Variants in KLK4 observed in about 807,000 individuals in gnomAD.
KLK4 encodes the protein kallikrein related peptidase 4.
A neutral mutation model predicts 24.3 loss-of-function variants in KLK4; 24 were observed. The ratio of observed to expected loss-of-function variants is 0.99; its 90% CI spans 0.72 to 1.39. The LOEUF is 1.39. Among genes scored for constraint, KLK4 ranks in the 40% most tolerant of loss-of-function variants. KLK4 has a pLI of 0.00. For synonymous variants in KLK4, 142 were observed against 138.8 expected, an observed-to-expected ratio of 1.02 and a Z score of -0.16; for missense variants, 344 against 327.4, an observed-to-expected ratio of 1.05 and a Z score of -0.39.
Position 50,910,093 on chromosome 19 carries a change from G to A in KLK4, c.61+585C>T, listed in dbSNP as rs974229542. On this transcript the variant is annotated intron_variant, in intron 2 of 5. Transcript: ENST00000324041. The surrounding 1 kb of genome is among the most constrained non-coding windows in gnomAD (Gnocchi z 4.4). ...TAGCAGTAGGATCGGGTCCTTCGGG[G>A]TGAATTAAAGCTCAGGGGGTGGAGT... Among the ~76,000 whole-genome samples, 1 of 151,996 alleles carries A rather than the reference G, an allele frequency of 6.6e-6. No homozygotes were observed. The highest frequency in any genetic ancestry group is 1.5e-5 in the Non-Finnish European group (1 of 67,970).
chr19:50,911,060 T>C (rs1177769890), intron 1 of KLK4, among the ~76,000 whole-genome samples: 1 of 151,924 alleles, frequency 6.6e-6, no homozygotes, highest in African/African-American at 2.4e-5. Context: ...CAAACAAGCA[T>C]GGAGGGAAGA....
exon 4 of KLK4, chr19:50,908,624 C>T (rs530069905): frequency 1.1e-5 from 18 of 1,614,084 alleles, no homozygotes; most frequent in Middle Eastern, 1.6e-4. Flanking sequence ...GAGTTCCCCG[C>T]GGTAGGGCAC....
rs1313722254 is a variant in KLK4, at chr19:50,910,952, T to C, written c.-11-203A>G. Among the ~76,000 whole-genome samples the C allele has an allele frequency of 1.4e-5, 1 of 72,246 alleles. No individual in the cohort carries two copies. Among genetic ancestry groups the C allele is most frequent in the East Asian group, 2.1e-4 (1 of 4,692 alleles). 47.4% of individuals were successfully genotyped at this position (72,246 alleles called of 152,430 possible). A position where few individuals can be genotyped will look rare whatever the true frequency, so the allele number is the denominator to read the frequency against. ...TGAGAGAGAAAAAGAGAGAGAGAGATGGGAAAAGAGAGAGAGAGAGAGAAC... is the reference window on the plus strand; with the variant it reads ...TGAGAGAGAAAAAGAGAGAGAGAGACGGGAAAAGAGAGAGAGAGAGAGAAC... On this transcript the variant is annotated intron_variant, in intron 1 of 5. Transcript: ENST00000324041. The surrounding 1 kb of genome is among the most constrained non-coding windows in gnomAD (Gnocchi z 4.4).
intron 3 of KLK4, 83 bp downstream of exon 3, chr19:50,909,169 C>T (rs2090463190): frequency 1.2e-6 from 2 of 1,609,514 alleles, no homozygotes; most frequent in Non-Finnish European, 1.7e-6. Context: ...CGCTGTTTCC[C>T]CCTGAGCACC....
chr19:50,909,243 T>A lies in KLK4; in HGVS notation c.224+9A>T, dbSNP rs1166582157. ...AGGCCCTGCCCACTCCCCCTACCTC[T>A]GCACTCACTTCTGGAAACAGTGTGC... is the stretch of plus-strand genomic sequence containing the variant. On this transcript the variant is annotated intron_variant, in intron 3 of 5. Coordinates refer to ENST00000324041, the Ensembl canonical transcript of KLK4. 2 of 1,614,084 alleles carry A rather than the reference T, an allele frequency of 1.2e-6. No homozygotes were observed. Among genetic ancestry groups the A allele is most frequent in the Non-Finnish European group, 1.7e-6 (2 of 1,179,996 alleles).
chr19:50,906,444 G>A, exon 6 of KLK4: 1 of 194,960 alleles, frequency 5.1e-6, no homozygotes, highest in Non-Finnish European at 1.1e-5. Flanking sequence ...CCACAAGGGG[G>A]CACTGTGTAC....
chr19:50,907,071 G>GC lies in KLK4; in HGVS notation c.627dup (p.Pro210AlafsTer36), dbSNP rs1410607661. ...TGCAAGTACCCGTTGCAGATCAGGG[G>GC]CCCCCCAGAGTCACCCTGTTGTGAA... On this transcript the variant is annotated frameshift_variant, in exon 6 of 6. Transcript: ENST00000324041. LOFTEE classifies it low-confidence loss of function (END_TRUNC). 6.2e-7 allele frequency: 1 copy of GC among 1,613,954 alleles called. No homozygotes were observed. Among genetic ancestry groups the GC allele is most frequent in the African/African-American group, 1.3e-5 (1 of 74,902 alleles).
Position 50,910,712 on chromosome 19 carries a change from G to A in KLK4, c.27C>T (p.Gly9=). 6.4e-7 allele frequency: 1 copy of A among 1,555,396 alleles called. No individual in the cohort carries two copies. The highest frequency in any genetic ancestry group is 1.4e-5 in the African/African-American group (1 of 73,454). ...CAAGGATGAGGTACCCCAGGAACCAGCCCCAGGGATTTCCTGCTGTGGCCA... is the reference window on the plus strand; with the variant it reads ...CAAGGATGAGGTACCCCAGGAACCAACCCCAGGGATTTCCTGCTGTGGCCA... The change falls in exon 2 of 6, where the codon GGC becomes GGT. Residue 9 remains glycine, a synonymous_variant. Coordinates refer to ENST00000324041, the Ensembl canonical transcript of KLK4. This position sits in a 1 kb window ranked among gnomAD's most constrained non-coding sequence, Gnocchi z 4.4.
intron 3 of KLK4, 161 bp downstream of exon 3, chr19:50,909,091 C>A: frequency 7.1e-7 from 1 of 1,414,512 alleles, no homozygotes; most frequent in South Asian, 1.4e-5. Context: ...AAGATTCCCG[C>A]CTCCCAGCCC....
chr19:50,908,583 C>T, exon 4 of KLK4: 2 of 1,614,192 alleles, frequency 1.2e-6, no homozygotes, highest in Non-Finnish European at 1.7e-6. Context: ...GCTCACCGTT[C>T]GCCAGCAGAC....
At chr19:50,909,970 C>G (rs948077883) in intron 2 of KLK4, among the ~76,000 whole-genome samples, 7 of 151,982 alleles carry the variant, frequency 4.6e-5, no homozygotes, top group African/African-American at 1.7e-4. Context: ...GCTTCTGGGG[C>G]GGAGTCAGGG....
Position 50,911,367 on chromosome 19 carries a change from C to T in KLK4, c.-40G>A, listed in dbSNP as rs2090486643. On this transcript the variant is annotated 5_prime_UTR_variant, in exon 1 of 6. It adds an upstream start codon to the 5' untranslated region. Coordinates refer to ENST00000324041, the Ensembl canonical transcript of KLK4. ...GCCACCTCTGGGCTCCTGGATTCCA[C>T]TGCTGGGCTGAGCTCCAGCCTGCTG... Among the ~76,000 whole-genome samples the T allele has an allele frequency of 6.6e-6, 1 of 152,260 alleles. No homozygotes were observed. The highest frequency in any genetic ancestry group is 2.4e-5 in the African/African-American group (1 of 41,470).
At chr19:50,911,095 G>C (rs1317857548) in intron 1 of KLK4, among the ~76,000 whole-genome samples, 1 of 152,198 alleles carries the variant, frequency 6.6e-6, no homozygotes, top group Non-Finnish European at 1.5e-5. Flanking sequence ...GAGCCGGAGA[G>C]ACAGAGTGCT....
At chr19:50,909,089 C>A in intron 3 of KLK4, 163 bp downstream of exon 3, 1 of 1,433,524 alleles carries the variant, frequency 7.0e-7, no homozygotes, top group East Asian at 2.6e-5. Context: ...GCAAGATTCC[C>A]GCCTCCCAGC....
intron 2 of KLK4, 23 bp from the exon 3 acceptor site, chr19:50,909,437 G>A (rs2123516111): frequency 6.2e-7 from 1 of 1,613,530 alleles, no homozygotes; most frequent in East Asian, 2.2e-5. Flanking sequence ...TCAGGGATGG[G>A]ATCGGGACCA....
Position 50,910,186 on chromosome 19 carries a change from C to T in KLK4, c.61+492G>A, listed in dbSNP as rs1600049433. Among the ~76,000 whole-genome samples the T allele has an allele frequency of 6.6e-6, 1 of 151,940 alleles. No homozygotes were observed. Among genetic ancestry groups the T allele is most frequent in the East Asian group, 1.9e-4 (1 of 5,186 alleles). On this transcript the variant is annotated intron_variant, in intron 2 of 5. Coordinates refer to ENST00000324041, the Ensembl canonical transcript of KLK4. The surrounding 1 kb of genome is among the most constrained non-coding windows in gnomAD (Gnocchi z 4.4). ...GATGCTCAAAGAGTCGGTCCTGCGC[C>T]GAGTCACTCCTATCCTCTCCCAGCC...
exon 6 of KLK4, chr19:50,906,742 A>T (rs926114522): frequency 2.9e-6 from 1 of 344,526 alleles, no homozygotes; most frequent in East Asian, 4.5e-5. Context: ...CTGAGGGAGG[A>T]GGGGCTGGGG....
exon 6 of KLK4, chr19:50,907,077 C>G: frequency 6.2e-7 from 1 of 1,614,108 alleles, no homozygotes; most frequent in Non-Finnish European, 8.5e-7. Flanking sequence ...AGGGGCCCCC[C>G]AGAGTCACCC....
chr19:50,908,561 A>G lies in KLK4; in HGVS notation c.475+18T>C. ...GAGGACCTCCTTGAAGAGGGCAGAC[A>G]CACACCCGTGAGCTCACCGTTCGCC... On this transcript the variant is annotated intron_variant, in intron 4 of 5. Coordinates refer to ENST00000324041, the Ensembl canonical transcript of KLK4. 1 of 1,614,186 alleles carries G rather than the reference A, an allele frequency of 6.2e-7. No homozygotes were observed. Among genetic ancestry groups the G allele is most frequent in the Non-Finnish European group, 8.5e-7 (1 of 1,180,022 alleles).
Sources: gnomAD v4.1 joint callset for allele counts (sites outside exome capture counted in the v4.1 genomes callset) on GRCh38, gnomAD v4.1.1 for gene constraint, Gnocchi (gnomAD v3.1) non-coding constraint, MANE v1.5 for transcripts, NCBI Gene and HGNC (gene_info 2026-07-23, HGNC 2026-07-21) for gene names.